Variants in SUPT3H observed in about 807,000 individuals in gnomAD.
SUPT3H encodes the protein transcription initiation protein SPT3 homolog.
SUPT3H carries 44 observed loss-of-function variants against 44.3 expected under a neutral mutation model. The observed-to-expected ratio is 0.99, with a 90% CI of 0.78 to 1.28. The LOEUF (loss-of-function observed/expected upper bound fraction) is 1.28. Among genes scored for constraint, SUPT3H ranks in the 50% most tolerant of loss-of-function variants. The probability of loss-of-function intolerance (pLI) is 0.00; values close to 1 mark genes in which losing one functional copy is unlikely to be tolerated. For synonymous variants in SUPT3H, 124 were observed against 125.6 expected (o/e 0.99, Z 0.09); for missense variants, 380 against 387.1 (o/e 0.98, Z 0.15).
chr6:45,016,587 T>C (rs139175721), intron 4 of SUPT3H, among the ~76,000 whole-genome samples: 2,215 of 146,790 alleles, frequency 0.015, 24 homozygotes, highest in South Asian at 0.03. Flanking sequence ...AGTGAGAACA[T>C]GCAGTGTTTG....
intron 2 of SUPT3H, among the ~76,000 whole-genome samples, chr6:45,203,836 G>C (rs1762787649): frequency 6.6e-6 from 1 of 152,068 alleles, no homozygotes; most frequent in Non-Finnish European, 1.5e-5. Flanking sequence ...AGCCCCCCTT[G>C]ACCATCCCTC....
At chr6:45,123,566 C>T (rs1218962579) in intron 2 of SUPT3H, among the ~76,000 whole-genome samples, 3 of 150,954 alleles carry the variant, frequency 2.0e-5, no homozygotes, top group Non-Finnish European at 4.4e-5. Flanking sequence ...TTTTAAAGTA[C>T]AATTAAAAAT....
intron 2 of SUPT3H, among the ~76,000 whole-genome samples, chr6:45,200,822 C>G (rs1762361433): frequency 6.6e-6 from 1 of 151,324 alleles, no homozygotes; most frequent in African/African-American, 2.4e-5. Context: ...ACAAATATGT[C>G]AAATATTCTT....
intron 10 of SUPT3H, among the ~76,000 whole-genome samples, chr6:44,857,337 C>T (rs916697210): frequency 6.6e-6 from 1 of 152,026 alleles, no homozygotes; most frequent in African/African-American, 2.4e-5. Flanking sequence ...CTCTTAAGCT[C>T]GTATGGGTTT....
At position 45,176,314 on chromosome 6, in the gene SUPT3H, G is replaced by C. The variant is rs573543406; in HGVS notation, c.102-70308C>G. On this transcript the variant is annotated intron_variant, in intron 2 of 10. Transcript: ENST00000371459. ...TTTCCGAGTCAAAGAAAGGGGTGAC[G>C]GACGCACCTGGAAAATCGGGTCACT... is the stretch of plus-strand genomic sequence containing the variant. Among the ~76,000 whole-genome samples, 36 of 151,864 alleles carry C rather than the reference G, an allele frequency of 2.4e-4. No individual in the cohort carries two copies. In the South Asian group the frequency reaches 7.5e-3, roughly 32 times the overall value.
intron 3 of SUPT3H, among the ~76,000 whole-genome samples, chr6:45,061,817 C>A (rs556490274): frequency 6.6e-6 from 1 of 150,966 alleles, no homozygotes; most frequent in Non-Finnish European, 1.5e-5. Flanking sequence ...GAAAATGATA[C>A]CATTGTTCTG....
intron 3 of SUPT3H, chr6:45,097,607 A>G (rs996534463): frequency 6.6e-6 from 1 of 152,204 alleles, no homozygotes; most frequent in African/African-American, 2.4e-5. Context: ...CCACTGTTAC[A>G]ATTACAGGTG....
At chr6:45,248,285 T>G (rs1771734180) in intron 2 of SUPT3H, among the ~76,000 whole-genome samples, 1 of 152,136 alleles carries the variant, frequency 6.6e-6, no homozygotes, top group African/African-American at 2.4e-5. Context: ...AAAGATGCTG[T>G]TGGAAAAATG....
intron 6 of SUPT3H, among the ~76,000 whole-genome samples, chr6:44,992,835 G>T (rs931793557): frequency 6.6e-6 from 1 of 152,086 alleles, no homozygotes; most frequent in East Asian, 1.9e-4. Context: ...AGCAACAACT[G>T]TAAGAGATTA....
At chr6:44,814,518 T>A (rs572940137) in intron 11 of SUPT3H, among the ~76,000 whole-genome samples, 1 of 152,036 alleles carries the variant, frequency 6.6e-6, no homozygotes, top group African/African-American at 2.4e-5. Flanking sequence ...GCAGCGTGGA[T>A]CTCTAGAGTT....
intron 2 of SUPT3H, among the ~76,000 whole-genome samples, chr6:45,280,452 GCCAAGAT>G (rs1777816193): frequency 6.6e-6 from 1 of 152,014 alleles, no homozygotes; most frequent in Non-Finnish European, 1.5e-5. Flanking sequence ...GTTATGGTGA[GCCAAGAT>G]CATGCCACTG....
chr6:44,819,674 TC>T (rs202239899), intron 11 of SUPT3H, among the ~76,000 whole-genome samples: 2,305 of 151,588 alleles, frequency 0.015, 35 homozygotes, highest in Middle Eastern at 0.031. Context: ...TGCTTTGTAG[TC>T]CCAACTACTC....
intron 3 of SUPT3H, among the ~76,000 whole-genome samples, chr6:45,084,258 C>T (rs1000437446): frequency 3.3e-5 from 5 of 152,022 alleles, no homozygotes; most frequent in African/African-American, 9.7e-5. Flanking sequence ...CAAAGGTCTA[C>T]GTCTAGAATC....
At position 45,287,364 on chromosome 6, in the gene SUPT3H, G is replaced by A. The variant is rs58823758; in HGVS notation, c.101+77837C>T. Among the ~76,000 whole-genome samples the A allele has an allele frequency of 7.5e-3, 1,144 of 152,196 alleles. 21 individuals carry two copies. Among genetic ancestry groups the A allele is most frequent in the African/African-American group, 0.026 (1,086 of 41,526 alleles). ...AGCCAAAAGGTCAACAAATCCAACT[G>A]TCCCTCAGCAGATAAACTGATAAAC... is the stretch of plus-strand genomic sequence containing the variant. On this transcript the variant is annotated intron_variant, in intron 2 of 10. Coordinates refer to ENST00000371459, the MANE Select transcript of SUPT3H (RefSeq NM_003599.4).
chr6:45,203,081 G>A (rs1762679592), intron 2 of SUPT3H, among the ~76,000 whole-genome samples: 1 of 152,118 alleles, frequency 6.6e-6, no homozygotes, highest in African/African-American at 2.4e-5. Flanking sequence ...TTGCACCACA[G>A]TTTGGAGGAA....
At chr6:45,350,311 G>A (rs1443827912) in intron 2 of SUPT3H, among the ~76,000 whole-genome samples, 6 of 152,132 alleles carry the variant, frequency 3.9e-5, no homozygotes, top group Admixed American at 1.3e-4. Flanking sequence ...TAATCTTCTA[G>A]ATTAAATGTG....
chr6:45,069,324 G>A (rs192661221), intron 3 of SUPT3H, among the ~76,000 whole-genome samples: 11 of 152,226 alleles, frequency 7.2e-5, no homozygotes, highest in Admixed American at 2.6e-4. Flanking sequence ...GACAAAAAAC[G>A]TGTTTAGGTT....
At chr6:45,097,064 G>A (rs2153566288) in intron 3 of SUPT3H, among the ~76,000 whole-genome samples, 1 of 152,246 alleles carries the variant, frequency 6.6e-6, no homozygotes, top group Middle Eastern at 3.4e-3. Context: ...CCTATACATA[G>A]TGAAATGATG....
chr6:44,922,105 G>C lies in SUPT3H; in HGVS notation c.912+10548C>G, dbSNP rs917369568. On this transcript the variant is annotated intron_variant, in intron 10 of 10. Coordinates refer to ENST00000371459, the MANE Select transcript of SUPT3H (RefSeq NM_003599.4). ...AAAAATTAACATCTGACTGACATAT[G>C]GACTATGAATTTTCTCTTCTCGCAT... Among the ~76,000 whole-genome samples, 4 of 152,302 alleles carry C rather than the reference G, an allele frequency of 2.6e-5. No homozygotes were observed. The East Asian group carries it at 7.7e-4, about 29-fold the overall frequency.
Sources: gnomAD v4.1 joint callset for allele counts (sites outside exome capture counted in the v4.1 genomes callset) on GRCh38, gnomAD v4.1.1 for gene constraint, MANE v1.5 for transcripts, NCBI Gene and HGNC (gene_info 2026-07-23, HGNC 2026-07-21) for gene names.